STPG2: variants seen among roughly 807,000 people sequenced by gnomAD.
STPG2 encodes the protein sperm-tail PG-rich repeat-containing protein 2.
A neutral mutation model predicts 54.2 loss-of-function variants in STPG2; 56 were observed. That is an observed-to-expected ratio of 1.03 (90% CI 0.83 to 1.29). The LOEUF (loss-of-function observed/expected upper bound fraction) is 1.29. STPG2 is among the 50% of genes most tolerant of loss of function. The pLI is 0.00. For synonymous variants in STPG2, 200 were observed against 181.8 expected (o/e 1.10, Z -0.81); for missense variants, 596 against 544.9 (o/e 1.09, Z -0.93).
At position 97,442,223 on chromosome 4, in the gene STPG2, TTTTG is replaced by T. The variant is rs1443426060; in HGVS notation, c.463-254394_463-254391del. On this transcript the variant is annotated intron_variant, in intron 4 of 4. Transcript: ENST00000522676. ...CACTTTTACTACATGACATGTTTTT[TTTTG>T]TTTTTTTTTTATTCAGATGGTTACT... is the stretch of plus-strand genomic sequence containing the variant. 4.1e-3 allele frequency among the ~76,000 whole-genome samples: 622 copies of T among 151,096 alleles called. 2 individuals carry two copies. Among genetic ancestry groups the T allele is most frequent in the South Asian group, 0.02 (94 of 4,812 alleles).
chr4:97,795,607 C>A (rs996376918), intron 9 of STPG2, among the ~76,000 whole-genome samples: 5 of 152,164 alleles, frequency 3.3e-5, no homozygotes, highest in Admixed American at 2.0e-4. Flanking sequence ...CATTGATGGA[C>A]ATTTGGATGG....
chr4:97,723,195 A>G (rs1051701752), intron 9 of STPG2, among the ~76,000 whole-genome samples: 5 of 152,062 alleles, frequency 3.3e-5, no homozygotes, highest in African/African-American at 9.7e-5. Flanking sequence ...AATGTTGAAG[A>G]GAAATCCTTC....
intron 10 of STPG2, among the ~76,000 whole-genome samples, chr4:97,603,187 A>C (rs1733508462): frequency 6.6e-6 from 1 of 151,856 alleles, no homozygotes; most frequent in South Asian, 2.1e-4. Context: ...AAGAAGATAT[A>C]CAAATATCCA....
chr4:97,498,228 T>A (rs1376222859), intron 4 of STPG2, among the ~76,000 whole-genome samples: 1 of 151,942 alleles, frequency 6.6e-6, no homozygotes, highest in African/African-American at 2.4e-5. Flanking sequence ...ATGCAAACCA[T>A]GCTGACCACC....
intron 10 of STPG2, among the ~76,000 whole-genome samples, chr4:97,612,239 T>A: frequency 8.9e-6 from 1 of 112,322 alleles, no homozygotes; most frequent in African/African-American, 3.0e-5. Context: ...TTGTAAAATG[T>A]GTAAAATGGC....
chr4:97,546,227 A>G (rs1731830413), intron 4 of STPG2, among the ~76,000 whole-genome samples: 1 of 152,010 alleles, frequency 6.6e-6, no homozygotes, highest in Non-Finnish European at 1.5e-5. Context: ...AAATGTAATT[A>G]TATATAAAAT....
chr4:97,878,992 A>C (rs1730275419), intron 8 of STPG2, among the ~76,000 whole-genome samples: 1 of 152,090 alleles, frequency 6.6e-6, no homozygotes, highest in Non-Finnish European at 1.5e-5. Flanking sequence ...CATCTCCCTC[A>C]AGTTCAAAGT....
chr4:97,477,484 T>G (rs546484752), intron 4 of STPG2, among the ~76,000 whole-genome samples: 128 of 148,488 alleles, frequency 8.6e-4, no homozygotes, highest in African/African-American at 2.8e-3. Context: ...TTGTTTTTTT[T>G]TTTTTTTTTT....
chr4:97,537,102 C>T (rs1321038864), intron 4 of STPG2, among the ~76,000 whole-genome samples: 2 of 152,144 alleles, frequency 1.3e-5, no homozygotes, highest in Admixed American at 6.5e-5. Context: ...CTCCAGTCTA[C>T]AGCTCCCAGT....
chr4:97,712,735 C>A lies in STPG2; in HGVS notation c.1284G>T (p.Glu428Asp), dbSNP rs1290974673. The A allele has an allele frequency of 6.2e-7, 1 of 1,606,182 alleles. No homozygotes were observed. The highest frequency in any genetic ancestry group is 1.3e-5 in the African/African-American group (1 of 74,704). The change falls in exon 10 of 11, where the codon GAG (glutamate) becomes GAT (aspartate). Residue 428 changes from glutamate (E) to aspartate (D), a missense_variant. Transcript: ENST00000295268. ...LFVKASKRFE[E>D]SKEITPGPAT... ...CTGGGCCTGGAGTAATCTCTTTGGA[C>A]TCTTCAAAGCGCTTTGATGCTTTCA... is the stretch of plus-strand genomic sequence containing the variant.
chr4:98,078,219 T>C (rs1487053541), intron 5 of STPG2, among the ~76,000 whole-genome samples: 4 of 152,188 alleles, frequency 2.6e-5, no homozygotes, highest in African/African-American at 7.2e-5. Flanking sequence ...TCTTCACCTA[T>C]GGATACTGTT....
chr4:97,741,621 C>T (rs916940186), intron 9 of STPG2, among the ~76,000 whole-genome samples: 2 of 152,210 alleles, frequency 1.3e-5, no homozygotes, highest in African/African-American at 4.8e-5. Flanking sequence ...AATTGCTCAC[C>T]ATCACTGGCC....
intron 10 of STPG2, among the ~76,000 whole-genome samples, chr4:97,569,425 A>G (rs1732541266): frequency 6.6e-6 from 1 of 151,934 alleles, no homozygotes; most frequent in African/African-American, 2.4e-5. Context: ...CTTTGTGCTG[A>G]CCTCCTATCT....
chr4:98,088,544 AATTATT>A (rs969739119), intron 5 of STPG2, among the ~76,000 whole-genome samples: 1 of 151,968 alleles, frequency 6.6e-6, no homozygotes, highest in African/African-American at 2.4e-5. Flanking sequence ...ATAATAATTC[AATTATT>A]ATTAAGTTAT....
At chr4:97,959,271 A>C (rs1733797788) in intron 7 of STPG2, among the ~76,000 whole-genome samples, 2 of 152,166 alleles carry the variant, frequency 1.3e-5, no homozygotes, top group Non-Finnish European at 2.9e-5. Context: ...AAAAAGTCTA[A>C]AAGAGCACAA....
chr4:97,829,682 G>C (rs2149110908), intron 9 of STPG2, among the ~76,000 whole-genome samples: 1 of 152,224 alleles, frequency 6.6e-6, no homozygotes, highest in South Asian at 2.1e-4. Context: ...GAACATAAAT[G>C]ACCTGATGGA....
chr4:97,503,077 A>T (rs1204557581), intron 4 of STPG2, among the ~76,000 whole-genome samples: 2 of 152,094 alleles, frequency 1.3e-5, no homozygotes, highest in Non-Finnish European at 2.9e-5. Context: ...TAGTTCAATT[A>T]TAATAGGATT....
chr4:97,751,403 A>G (rs1450459306), intron 9 of STPG2, among the ~76,000 whole-genome samples: 1 of 151,814 alleles, frequency 6.6e-6, no homozygotes, highest in Non-Finnish European at 1.5e-5. Flanking sequence ...ACAACTACAA[A>G]ATAGTTTTAT....
At chr4:97,750,239 C>T (rs1024954993) in intron 9 of STPG2, among the ~76,000 whole-genome samples, 2 of 151,762 alleles carry the variant, frequency 1.3e-5, no homozygotes, top group Non-Finnish European at 2.9e-5. Flanking sequence ...AGTTTCTACT[C>T]ACCAGCATCT....
Sources: allele counts gnomAD v4.1 joint callset (sites outside exome capture counted in the v4.1 genomes callset), GRCh38; gene constraint gnomAD v4.1.1; transcripts MANE v1.5; gene names NCBI Gene and HGNC (gene_info 2026-07-23, HGNC 2026-07-21).